Variants in GRHL3 observed in about 807,000 individuals in gnomAD.
The protein encoded by GRHL3 is grainyhead like transcription factor 3, also known as grainyhead-like protein 3 homolog.
Under a neutral mutation model 70.3 loss-of-function variants are expected in GRHL3, and 20 were observed. The observed-to-expected ratio is 0.28, with a 90% CI of 0.20 to 0.41. GRHL3 has a LOEUF of 0.41. Among genes scored for constraint, GRHL3 ranks in the 10% least tolerant of loss-of-function variants. The pLI, the probability that GRHL3 is intolerant of heterozygous loss-of-function variation, is 1.00. For synonymous variants in GRHL3, 299 were observed against 299.9 expected (o/e 1.00, Z 0.03); for missense variants, 637 against 762.3 (o/e 0.84, Z 1.94).
At position 24,334,407 on chromosome 1, in the gene GRHL3, C is replaced by T. The variant is rs983443138; in HGVS notation, c.205-238C>T. Among the ~76,000 whole-genome samples, 9 of 152,088 alleles carry T rather than the reference C, an allele frequency of 5.9e-5. No homozygotes were observed. Among genetic ancestry groups the T allele is most frequent in the African/African-American group, 1.9e-4 (8 of 41,388 alleles). The stretch of plus-strand genomic sequence containing the variant: ...AGCCCTCTTATAAAATAATCAGATA[C>T]GATGAGAACTCACTGTCACGAGAAC... On this transcript the variant is annotated intron_variant, in intron 2 of 15. Coordinates refer to ENST00000361548, the MANE Select transcript of GRHL3 (RefSeq NM_198173.3). The surrounding 1 kb of genome is among the most constrained non-coding windows in gnomAD (Gnocchi z 4.3).
At chr1:24,333,382 C>T (rs564317779) in intron 2 of GRHL3, among the ~76,000 whole-genome samples, 13 of 152,294 alleles carry the variant, frequency 8.5e-5, no homozygotes, top group Admixed American at 3.3e-4. Flanking sequence ...GTGTCAGGCA[C>T]TTTCCTTCAT....
intron 7 of GRHL3, among the ~76,000 whole-genome samples, chr1:24,339,328 T>C (rs1344795566): frequency 6.7e-6 from 1 of 150,208 alleles, no homozygotes; most frequent in Non-Finnish European, 1.5e-5. Flanking sequence ...CAGGCTAGAG[T>C]GCAGTGGCGC....
intron 12 of GRHL3, 44 bp from the exon 13 acceptor site, chr1:24,346,509 G>C: frequency 7.0e-7 from 1 of 1,429,202 alleles, no homozygotes; most frequent in Non-Finnish European, 9.9e-7. Flanking sequence ...AGCCTCTAGG[G>C]GTCCCCAAGT....
Position 24,338,091 on chromosome 1 carries a change from G to C in GRHL3, c.940G>C (p.Val314Leu). The C allele has an allele frequency of 6.2e-7, 1 of 1,608,052 alleles. No homozygotes were observed. The highest frequency in any genetic ancestry group is 8.5e-7 in the Non-Finnish European group (1 of 1,176,854). The change falls in exon 7 of 16, where the codon GTC becomes CTC. Residue 314 changes from valine (V) to leucine (L), a missense_variant. Coordinates refer to ENST00000361548, the MANE Select transcript of GRHL3 (RefSeq NM_198173.3). ...HSRQPTAKQR[V>L]IDVADCKENF... is the part of the protein sequence containing the mutation. ...CCGGCAACCCACTGCCAAGCAGCGG[G>C]TCATTGACGTGGGTGAGAGCCTTCT...
intron 2 of GRHL3, among the ~76,000 whole-genome samples, chr1:24,331,836 G>A (rs1332116057): frequency 2.0e-5 from 3 of 152,168 alleles, no homozygotes; most frequent in South Asian, 2.1e-4. Flanking sequence ...TGGAGAGGAG[G>A]CTTTCTTGTC....
At chr1:24,343,079 A>G in intron 11 of GRHL3, 54 bp downstream of exon 11, 1 of 1,608,994 alleles carries the variant, frequency 6.2e-7, no homozygotes, top group Non-Finnish European at 8.5e-7. Flanking sequence ...CCTGGCTCCT[A>G]GGTGGGGCCT....
chr1:24,336,337 T>C, intron 3 of GRHL3, 145 bp from the exon 4 acceptor site: 2 of 578,382 alleles, frequency 3.5e-6, no homozygotes, highest in Non-Finnish European at 6.1e-6. Flanking sequence ...ATTGGGCTGC[T>C]ACAGTGTCTT....
intron 12 of GRHL3, among the ~76,000 whole-genome samples, chr1:24,345,324 G>A (rs998737796): frequency 3.7e-5 from 5 of 136,506 alleles, no homozygotes; most frequent in African/African-American, 2.8e-5. Context: ...CTACACCTGT[G>A]CCCTCTGTAC....
Position 24,342,667 on chromosome 1 carries a change from G to A in GRHL3, c.1207-27G>A. On this transcript the variant is annotated intron_variant, in intron 9 of 15. Transcript: ENST00000361548. This position sits in a 1 kb window ranked among gnomAD's most constrained non-coding sequence, Gnocchi z 4.8. ...GTAGCTAGCCCCTCCCAGGCCCTTGGTGACCCTCTCTCCTTCTCCCCTGCA... is the reference window on the plus strand; with the variant it reads ...GTAGCTAGCCCCTCCCAGGCCCTTGATGACCCTCTCTCCTTCTCCCCTGCA... 6.2e-7 allele frequency: 1 copy of A among 1,608,468 alleles called. No homozygotes were observed. The highest frequency in any genetic ancestry group is 8.5e-7 in the Non-Finnish European group (1 of 1,174,828).
intron 1 of GRHL3, among the ~76,000 whole-genome samples, chr1:24,324,826 C>T (rs186187534): frequency 2.0e-5 from 3 of 152,244 alleles, no homozygotes; most frequent in Admixed American, 2.0e-4. Flanking sequence ...ACGATGAGTT[C>T]ATACTGCCTC....
At chr1:24,358,515 G>A, downstream of GRHL3, 1 of 1,587,958 alleles carries the variant, frequency 6.3e-7, no homozygotes. Context: ...CTGGTGGCTG[G>A]AGTTCTCCTT....
At chr1:24,335,352 A>G (rs1174831334) in intron 3 of GRHL3, among the ~76,000 whole-genome samples, 1 of 152,182 alleles carries the variant, frequency 6.6e-6, no homozygotes, top group Non-Finnish European at 1.5e-5. Context: ...TTAAGACTAG[A>G]TGGGCACTGG....
At position 24,339,619 on chromosome 1, in the gene GRHL3, C is replaced by T. The variant is rs756773468; in HGVS notation, c.953-49C>T. ...TTTAATGCCTCCCTCCTCAAGTGGT[C>T]CCAGATCCCTTCCTTCCTGATTCTC... On this transcript the variant is annotated intron_variant, in intron 7 of 15. Transcript: ENST00000361548. 3 of 1,391,376 alleles carry T rather than the reference C, an allele frequency of 2.2e-6. No individual in the cohort carries two copies. In the South Asian group the frequency reaches 3.7e-5, roughly 17 times the overall value. The allele number at this position is 1,391,376 out of a possible 1,614,324, so 86.2% of individuals were successfully genotyped here. A position where few individuals can be genotyped will look rare whatever the true frequency, so the allele number is the denominator to read the frequency against.
intron 4 of GRHL3, 79 bp from the exon 5 acceptor site, chr1:24,336,999 C>A: frequency 7.2e-7 from 1 of 1,386,598 alleles, no homozygotes; most frequent in Non-Finnish European, 1.0e-6. Context: ...ACCTGCATAG[C>A]TGTAATGCAC....
rs773759684 is a variant in GRHL3 at position 24,342,908 on chromosome 1, G to A, written c.1302G>A (p.Leu434=). 4 of 1,614,192 alleles carry A rather than the reference G, an allele frequency of 2.5e-6. No individual in the cohort carries two copies. The highest frequency in any genetic ancestry group is 1.3e-5 in the African/African-American group (1 of 75,036). Residue 434 remains leucine, a synonymous_variant, in exon 11 of 16, where the codon CTG becomes CTA. Transcript: ENST00000361548. This position sits in a 1 kb window ranked among gnomAD's most constrained non-coding sequence, Gnocchi z 4.8. ...TCCCATCAGGCGTCAAGGGCTGCCT[G>A]CTGTCGGGCTTCAGGGGCAATGAGA... ...DSSNSGVKGC[L]LSGFRGNETT...
chr1:24,338,897 TCAAAG>T (rs1639929344), intron 7 of GRHL3, among the ~76,000 whole-genome samples: 1 of 152,214 alleles, frequency 6.6e-6, no homozygotes, highest in South Asian at 2.1e-4. Flanking sequence ...AACTGAATAC[TCAAAG>T]CATAGTTGTG....
intron 1 of GRHL3, among the ~76,000 whole-genome samples, chr1:24,329,053 G>C (rs1174658540): frequency 6.6e-6 from 1 of 152,136 alleles, no homozygotes; most frequent in Non-Finnish European, 1.5e-5. Context: ...ATGAGGAGGG[G>C]CCTCTTCTCA....
At chr1:24,355,923 T>C (rs1253506333), downstream of GRHL3, among the ~76,000 whole-genome samples, 2 of 150,444 alleles carry the variant, frequency 1.3e-5, no homozygotes, top group African/African-American at 4.9e-5. Flanking sequence ...TTTCTTGCGA[T>C]GGAGCCTCGC....
At position 24,354,443 on chromosome 1, in the gene GRHL3, G is replaced by C. The variant is rs1468681157; in HGVS notation, c.1764G>C (p.Met588Ile). ...YSNHVAFLLD[M>I]GELDGKIQII... ...ACCACGTCGCCTTCCTGCTGGACAT[G>C]GGGGAGCTGGACGGCAAAATTCAGA... The change falls in exon 16 of 16, where the codon ATG becomes ATC. Residue 588 changes from methionine to isoleucine, a missense_variant. Physicochemically the swap from Met to Ile is conservative, Grantham distance 10. This residue lies in a region of GRHL3 where 387 missense variants were observed against 513.8 expected (regional missense o/e 0.75). Coordinates refer to ENST00000361548, the MANE Select transcript of GRHL3 (RefSeq NM_198173.3). 2.5e-6 allele frequency: 4 copies of C among 1,613,564 alleles called. No individual in the cohort carries two copies. The African/African-American group carries it at 4.0e-5, about 16-fold the overall frequency.
Sources: gnomAD v4.1 joint callset for allele counts (sites outside exome capture counted in the v4.1 genomes callset) on GRCh38, gnomAD v4.1.1 for gene constraint, gnomAD v4.1.1 regional missense constraint, Gnocchi (gnomAD v3.1) non-coding constraint, MANE v1.5 for transcripts, NCBI Gene and HGNC (gene_info 2026-07-23, HGNC 2026-07-21) for gene names.